GABRG3: variants seen among roughly 807,000 people sequenced by gnomAD.
GABRG3 encodes the protein gamma-aminobutyric acid type A receptor subunit gamma3, also known as gamma-aminobutyric acid receptor subunit gamma-3.
A neutral mutation model predicts 48.8 loss-of-function variants in GABRG3; 25 were observed. That is an observed-to-expected ratio of 0.51 (90% CI 0.37 to 0.72). The LOEUF (loss-of-function observed/expected upper bound fraction) is 0.72. Among genes scored for constraint, GABRG3 ranks in the 30% least tolerant of loss-of-function variants. GABRG3 has a pLI of 0.00. For synonymous variants in GABRG3, 227 were observed against 217.6 expected (o/e 1.04, Z -0.38); for missense variants, 394 against 577.9 (o/e 0.68, Z 3.26).
At position 27,537,606 on chromosome 15, in the gene GABRG3, G is replaced by T. The variant is rs1018608348; in HGVS notation, c.*4725G>T. ...AACGTGTATGTTTTGAGATGATTTG[G>T]TAAGAACTCAGCCATTCAGTATTTC... On this transcript the variant is annotated 3_prime_UTR_variant, in exon 10 of 10. Transcript: ENST00000615808. The T allele has an allele frequency of 2.0e-5, 3 of 151,772 alleles. No individual in the cohort carries two copies. Among genetic ancestry groups the T allele is most frequent in the Non-Finnish European group, 4.4e-5 (3 of 68,000 alleles). 9.4% of individuals were successfully genotyped at this position (151,772 alleles called of 1,614,324 possible). A position where few individuals can be genotyped will look rare whatever the true frequency, so the allele number is the denominator to read the frequency against.
intron 5 of GABRG3, among the ~76,000 whole-genome samples, chr15:27,443,788 C>T (rs1176342809): frequency 6.6e-6 from 1 of 152,128 alleles, no homozygotes; most frequent in East Asian, 1.9e-4. Context: ...AGGGTTTTGT[C>T]AGGTACCCTT....
intron 3 of GABRG3, among the ~76,000 whole-genome samples, chr15:27,137,340 TG>T (rs1392260149): frequency 1.3e-5 from 2 of 152,112 alleles, no homozygotes; most frequent in African/African-American, 4.8e-5. Context: ...GGGTGCCAAA[TG>T]AAGGCTCCTG....
intron 3 of GABRG3, among the ~76,000 whole-genome samples, chr15:27,262,114 C>T (rs570136013): frequency 6.6e-6 from 1 of 152,330 alleles, no homozygotes; most frequent in African/African-American, 2.4e-5. Flanking sequence ...CATCCTGCAT[C>T]TGGGCATCCT....
At chr15:27,036,352 G>C (rs1264182160) in intron 3 of GABRG3, among the ~76,000 whole-genome samples, 2 of 152,184 alleles carry the variant, frequency 1.3e-5, no homozygotes, top group African/African-American at 4.8e-5. Context: ...GGCTCTGGAA[G>C]AAGCCTATGC....
intron 3 of GABRG3, among the ~76,000 whole-genome samples, chr15:27,283,356 C>T (rs1399242855): frequency 6.6e-6 from 1 of 152,190 alleles, no homozygotes; most frequent in Admixed American, 6.5e-5. Flanking sequence ...GTAATCCCAG[C>T]ACTTTGGGAG....
rs138597188 is a variant in GABRG3, at chr15:26,976,418, C to T, written c.54-584C>T. Among the ~76,000 whole-genome samples the T allele has an allele frequency of 9.6e-4, 146 of 152,336 alleles. 1 individual carries two copies. The highest frequency in any genetic ancestry group is 3.1e-3 in the African/African-American group (127 of 41,576). On this transcript the variant is annotated intron_variant, in intron 1 of 9. Coordinates refer to ENST00000615808, the MANE Select transcript of GABRG3 (RefSeq NM_033223.5). The surrounding 1 kb of genome is among the most constrained non-coding windows in gnomAD (Gnocchi z 7.8). ...GTCTTCACCAGTCATCAGCGAACATCGCTGTCCTTGCCTCCAATCTGAGTG... is the reference window on the plus strand; with the variant it reads ...GTCTTCACCAGTCATCAGCGAACATTGCTGTCCTTGCCTCCAATCTGAGTG...
intron 3 of GABRG3, among the ~76,000 whole-genome samples, chr15:27,162,372 A>T (rs963765082): frequency 2.6e-5 from 4 of 152,168 alleles, no homozygotes; most frequent in African/African-American, 9.6e-5. Flanking sequence ...ATGGTAAGGT[A>T]TTGACATGGT....
intron 3 of GABRG3, among the ~76,000 whole-genome samples, chr15:27,222,302 A>G (rs1889478478): frequency 6.6e-6 from 1 of 152,244 alleles, no homozygotes. Context: ...GTGCACCCAC[A>G]TGCAAAATGG....
intron 3 of GABRG3, among the ~76,000 whole-genome samples, chr15:27,169,511 A>G (rs965773088): frequency 4.6e-5 from 7 of 152,148 alleles, no homozygotes; most frequent in Non-Finnish European, 1.0e-4. Context: ...GCCGAAAGCT[A>G]TGGGAACCAT....
At chr15:27,035,154 G>A (rs989754449) in intron 3 of GABRG3, among the ~76,000 whole-genome samples, 1 of 152,152 alleles carries the variant, frequency 6.6e-6, no homozygotes, top group Non-Finnish European at 1.5e-5. Flanking sequence ...TGGCTAAAAG[G>A]CATGTCTGAC....
chr15:27,035,035 G>A (rs1896152001), intron 3 of GABRG3, among the ~76,000 whole-genome samples: 1 of 152,196 alleles, frequency 6.6e-6, no homozygotes, highest in Non-Finnish European at 1.5e-5. Flanking sequence ...ATGGAGCAAC[G>A]CAGCTTAGGA....
intron 3 of GABRG3, among the ~76,000 whole-genome samples, chr15:27,223,645 T>G (rs1412940289): frequency 6.6e-6 from 1 of 152,188 alleles, no homozygotes; most frequent in Non-Finnish European, 1.5e-5. Flanking sequence ...CAAAAATGTT[T>G]AAAATACTAG....
In GABRG3 at chr15:27,227,350, G is replaced by T. The variant is rs369018314; in HGVS notation, c.271-99459G>T. Reference sequence around the variant, plus strand: ...CTCCAAAAACAGAAAAGTTACCTGGGCCTGGGCGTGGTGGTGTGCACCTGT... The same window carrying T: ...CTCCAAAAACAGAAAAGTTACCTGGTCCTGGGCGTGGTGGTGTGCACCTGT... On this transcript the variant is annotated intron_variant, in intron 3 of 9. Coordinates refer to ENST00000615808, the MANE Select transcript of GABRG3 (RefSeq NM_033223.5). Among the ~76,000 whole-genome samples the T allele has an allele frequency of 3.9e-4, 59 of 152,072 alleles. 1 individual carries two copies. The highest frequency in any genetic ancestry group is 1.4e-3 in the African/African-American group (56 of 41,422).
At chr15:27,226,456 G>T in intron 3 of GABRG3, among the ~76,000 whole-genome samples, 1 of 152,168 alleles carries the variant, frequency 6.6e-6, no homozygotes, top group East Asian at 1.9e-4. Context: ...CTTCAGAGAC[G>T]ACGTGGCCCA....
At chr15:27,414,575 G>A (rs1180932834) in intron 5 of GABRG3, among the ~76,000 whole-genome samples, 1 of 152,178 alleles carries the variant, frequency 6.6e-6, no homozygotes, top group Non-Finnish European at 1.5e-5. Flanking sequence ...GGACTAGGGA[G>A]GGCTTGGTAC....
At chr15:27,126,630 C>T (rs927398799) in intron 3 of GABRG3, among the ~76,000 whole-genome samples, 1 of 152,196 alleles carries the variant, frequency 6.6e-6, no homozygotes, top group Non-Finnish European at 1.5e-5. Flanking sequence ...AGCTCCCCTG[C>T]CCTCTGCTGT....
chr15:27,002,024 G>A (rs1895458685), intron 2 of GABRG3, among the ~76,000 whole-genome samples: 1 of 151,848 alleles, frequency 6.6e-6, no homozygotes, highest in Non-Finnish European at 1.5e-5. Context: ...GATTACATAG[G>A]AAACCATTTT....
intron 6 of GABRG3, among the ~76,000 whole-genome samples, chr15:27,516,788 G>A (rs895729368): frequency 2.6e-5 from 4 of 152,200 alleles, no homozygotes; most frequent in Non-Finnish European, 5.9e-5. Context: ...CTAGTCCACT[G>A]TGACGTTTCA....
chr15:27,248,733 A>T (rs1282083584), intron 3 of GABRG3, among the ~76,000 whole-genome samples: 1 of 151,122 alleles, frequency 6.6e-6, no homozygotes, highest in Non-Finnish European at 1.5e-5. Context: ...CCCAGCAATG[A>T]CCTAAAAATG....
Sources: gnomAD v4.1 joint callset for allele counts (sites outside exome capture counted in the v4.1 genomes callset) on GRCh38, gnomAD v4.1.1 for gene constraint, Gnocchi (gnomAD v3.1) non-coding constraint, MANE v1.5 for transcripts, NCBI Gene and HGNC (gene_info 2026-07-23, HGNC 2026-07-21) for gene names.